Variants in CSMD1 observed in about 807,000 individuals in gnomAD.
The protein encoded by CSMD1 is CUB and Sushi multiple domains 1.
CSMD1 carries 213 observed loss-of-function variants against 417.5 expected under a neutral mutation model. The observed-to-expected ratio is 0.51, with a 90% CI of 0.46 to 0.57. The LOEUF (loss-of-function observed/expected upper bound fraction) is 0.57. CSMD1 is among the 20% of genes least tolerant of loss of function. The probability of loss-of-function intolerance (pLI) is 0.00; values close to 1 mark genes in which losing one functional copy is unlikely to be tolerated. For synonymous variants in CSMD1, 2,862 were observed against 1,736.8 expected (o/e 1.65, Z -16.11); for missense variants, 6,923 against 4,529.7 (o/e 1.53, Z -15.17).
chr8:3,795,800 CCTATCATGTACAGATATAGATATATAT>C (rs1418451701), intron 5 of CSMD1, among the ~76,000 whole-genome samples: 1,980 of 20,382 alleles, frequency 0.097, 439 homozygotes, highest in Middle Eastern at 0.62. Flanking sequence ...TAGATATATA[CCTATCATGTACAGATATAGATATATAT>C]CTATCATGTA....
chr8:4,139,576 C>T (rs984481019), intron 3 of CSMD1, among the ~76,000 whole-genome samples: 1 of 151,146 alleles, frequency 6.6e-6, no homozygotes, highest in Admixed American at 6.6e-5. Flanking sequence ...CCTGAGCTGC[C>T]TATGGAACTG....
chr8:3,278,607 A>G (rs1469421127), intron 26 of CSMD1: 2 of 152,134 alleles, frequency 1.3e-5, no homozygotes, highest in Non-Finnish European at 2.9e-5. Context: ...TAAAATTAGC[A>G]TGGTTTATGA....
rs60965667 is a variant in CSMD1 at position 4,402,800 on chromosome 8, C to CTTT, written c.415+17150_415+17152dup. Among the ~76,000 whole-genome samples, 124 of 89,354 alleles carry CTTT rather than the reference C, an allele frequency of 1.4e-3. 1 individual carries two copies. The highest frequency in any genetic ancestry group is 1.8e-3 in the South Asian group (5 of 2,730). 58.6% of individuals were successfully genotyped at this position (89,354 alleles called of 152,430 possible). A position where few individuals can be genotyped will look rare whatever the true frequency, so the allele number is the denominator to read the frequency against. ...GTGAGTATAATGTCCTCACTTTTTTCTTTTTTTTTTTTTTTTTTTTCTTTT... is the reference window on the plus strand; with the variant it reads ...GTGAGTATAATGTCCTCACTTTTTTCTTTTTTTTTTTTTTTTTTTTTTTCTTTT... On this transcript the variant is annotated intron_variant, in intron 3 of 69. Transcript: ENST00000635120.
chr8:4,609,390 G>C (rs1168132019), intron 2 of CSMD1, among the ~76,000 whole-genome samples: 1 of 152,164 alleles, frequency 6.6e-6, no homozygotes, highest in Non-Finnish European at 1.5e-5. Flanking sequence ...GACAGGGTGA[G>C]ACCCTGTCTC....
At chr8:4,954,438 T>C (rs75529574) in intron 1 of CSMD1, among the ~76,000 whole-genome samples, 3,548 of 152,286 alleles carry the variant, frequency 0.023, 44 homozygotes, top group Middle Eastern at 0.082. Flanking sequence ...TGCACAATTG[T>C]ATAGCTGACA....
At chr8:4,021,901 C>T (rs1796806558) in intron 4 of CSMD1, among the ~76,000 whole-genome samples, 1 of 151,890 alleles carries the variant, frequency 6.6e-6, no homozygotes, top group Non-Finnish European at 1.5e-5. Flanking sequence ...AAACAAACTA[C>T]CCCAGATCAT....
At chr8:3,753,698 A>G (rs2129053757) in intron 6 of CSMD1, among the ~76,000 whole-genome samples, 1 of 152,328 alleles carries the variant, frequency 6.6e-6, no homozygotes, top group South Asian at 2.1e-4. Context: ...AAACTTAGCA[A>G]TTGTTCCAGT....
chr8:3,394,360 C>T (rs1811558060), intron 17 of CSMD1, among the ~76,000 whole-genome samples: 1 of 150,500 alleles, frequency 6.6e-6, no homozygotes, highest in Non-Finnish European at 1.5e-5. Flanking sequence ...TTTATCATTT[C>T]CTGATTTTCC....
chr8:4,114,968 A>G (rs1802055828), intron 3 of CSMD1, among the ~76,000 whole-genome samples: 1 of 152,224 alleles, frequency 6.6e-6, no homozygotes, highest in Non-Finnish European at 1.5e-5. Flanking sequence ...ACATTGTTGA[A>G]ATGACAACAA....
chr8:4,034,386 C>A (rs368328773), intron 3 of CSMD1, among the ~76,000 whole-genome samples: 1 of 152,164 alleles, frequency 6.6e-6, no homozygotes, highest in Non-Finnish European at 1.5e-5. Context: ...CTACAGAAAT[C>A]TGTTTGAAAA....
chr8:4,223,359 T>C (rs966996270), intron 3 of CSMD1, among the ~76,000 whole-genome samples: 1 of 152,258 alleles, frequency 6.6e-6, no homozygotes, highest in East Asian at 1.9e-4. Context: ...AACTCCTACC[T>C]GTAGTCCATC....
At chr8:4,909,987 A>C (rs1182944235) in intron 1 of CSMD1, among the ~76,000 whole-genome samples, 1 of 152,206 alleles carries the variant, frequency 6.6e-6, no homozygotes, top group African/African-American at 2.4e-5. Context: ...TATCTTTTCT[A>C]AACTTTATCA....
chr8:3,530,579 G>C (rs1444005468), intron 10 of CSMD1, among the ~76,000 whole-genome samples: 1 of 152,098 alleles, frequency 6.6e-6, no homozygotes, highest in Non-Finnish European at 1.5e-5. Flanking sequence ...TGGAATGCAG[G>C]GGTGTGAGCT....
Position 3,154,886 on chromosome 8 carries a change from C to G in CSMD1, c.5914+3011G>C, listed in dbSNP as rs573049695. 1.1e-4 allele frequency among the ~76,000 whole-genome samples: 16 copies of G among 152,272 alleles called. No individual in the cohort carries two copies. In the South Asian group the frequency reaches 3.3e-3, roughly 32 times the overall value. On this transcript the variant is annotated intron_variant, in intron 39 of 69. Coordinates refer to ENST00000635120, the MANE Select transcript of CSMD1 (RefSeq NM_033225.6). ...TATTATCTCTCTATGGACTTCTCCT[C>G]TTACAATTCCCCAGTTTGGAGTAAT...
At chr8:4,879,624 C>G (rs1005625499) in intron 1 of CSMD1, among the ~76,000 whole-genome samples, 1 of 151,744 alleles carries the variant, frequency 6.6e-6, no homozygotes, top group Non-Finnish European at 1.5e-5. Flanking sequence ...GAATCAACAA[C>G]AGTTAAAGAG....
intron 2 of CSMD1, among the ~76,000 whole-genome samples, chr8:4,427,543 G>T (rs976966030): frequency 2.0e-5 from 3 of 151,968 alleles, no homozygotes; most frequent in East Asian, 1.9e-4. Context: ...AGTGAATCAT[G>T]TGAGTATATA....
At chr8:3,395,232 G>C (rs1054681124) in intron 17 of CSMD1, among the ~76,000 whole-genome samples, 1 of 152,108 alleles carries the variant, frequency 6.6e-6, no homozygotes, top group East Asian at 1.9e-4. Flanking sequence ...TTGAGATAAA[G>C]CTCTGAAAAA....
At chr8:3,711,491 C>G (rs139615859) in intron 6 of CSMD1, among the ~76,000 whole-genome samples, 8 of 152,332 alleles carry the variant, frequency 5.3e-5, no homozygotes, top group South Asian at 4.1e-4. Context: ...CATGAACGTC[C>G]TGCACTACGG....
At chr8:4,503,087 C>A (rs1247061874) in intron 2 of CSMD1, among the ~76,000 whole-genome samples, 1 of 152,102 alleles carries the variant, frequency 6.6e-6, no homozygotes, top group African/African-American at 2.4e-5. Context: ...CATAAATGAA[C>A]AAGAACTGTG....
Sources: allele counts gnomAD v4.1 joint callset (sites outside exome capture counted in the v4.1 genomes callset), GRCh38; gene constraint gnomAD v4.1.1; transcripts MANE v1.5; gene names NCBI Gene and HGNC (gene_info 2026-07-23, HGNC 2026-07-21).